The following SH3D19 variants were observed in gnomAD, a reference collection of about 807,000 sequenced individuals.
SH3D19 encodes SH3 domain-containing protein 19.
Under a neutral mutation model 112.1 loss-of-function variants are expected in SH3D19, and 58 were observed. The ratio of observed to expected loss-of-function variants is 0.52; its 90% CI spans 0.42 to 0.64. The LOEUF (loss-of-function observed/expected upper bound fraction) is 0.64. SH3D19 is among the 30% of genes least tolerant of loss of function. The probability of loss-of-function intolerance (pLI) is 0.00; values close to 1 mark genes in which losing one functional copy is unlikely to be tolerated. For missense variants in SH3D19, 1,090 were observed against 1,263.4 expected (o/e 0.86, Z 2.08); for synonymous variants, 391 against 448.5 (o/e 0.87, Z 1.62).
At chr4:151,152,752 C>G (rs1046068177) in intron 9 of SH3D19, among the ~76,000 whole-genome samples, 1 of 151,794 alleles carries the variant, frequency 6.6e-6, no homozygotes, top group Non-Finnish European at 1.5e-5. Context: ...CTCCTGACCT[C>G]AACTGATCCA....
At chr4:151,150,238 CAT>C (rs1424399128) in intron 9 of SH3D19, among the ~76,000 whole-genome samples, 8 of 41,108 alleles carry the variant, frequency 1.9e-4, no homozygotes, top group South Asian at 6.3e-4. Context: ...TACACACACA[CAT>C]ATATATATAT....
chr4:151,142,169 T>C (rs1413240299), intron 12 of SH3D19, among the ~76,000 whole-genome samples: 1 of 152,264 alleles, frequency 6.6e-6, no homozygotes, highest in Non-Finnish European at 1.5e-5. Context: ...TCATTCACCA[T>C]GTGCTAGTCA....
At chr4:151,234,043 A>G (rs2149959361) in intron 1 of SH3D19, among the ~76,000 whole-genome samples, 1 of 152,302 alleles carries the variant, frequency 6.6e-6, no homozygotes, top group East Asian at 1.9e-4. Flanking sequence ...TGTCTTAAGA[A>G]TTCCCATACT....
chr4:151,202,279 G>A (rs569971364), intron 2 of SH3D19, among the ~76,000 whole-genome samples: 2 of 152,320 alleles, frequency 1.3e-5, no homozygotes, highest in African/African-American at 4.8e-5. Context: ...AGGTTGCTGT[G>A]AGCCGAGATC....
chr4:151,252,194 A>G (rs1401506035), intron 1 of SH3D19, among the ~76,000 whole-genome samples: 1 of 152,248 alleles, frequency 6.6e-6, no homozygotes, highest in African/African-American at 2.4e-5. Flanking sequence ...TTCCATTAGC[A>G]CACAAACAGG....
chr4:151,213,687 AATTT>A (rs1554055411), intron 2 of SH3D19, among the ~76,000 whole-genome samples: 2 of 148,444 alleles, frequency 1.3e-5, no homozygotes, highest in South Asian at 2.2e-4. Context: ...TTAATTAATT[AATTT>A]ATTTATTTAT....
chr4:151,122,885 T>C (rs1748311344), intron 19 of SH3D19, among the ~76,000 whole-genome samples: 1 of 144,814 alleles, frequency 6.9e-6, no homozygotes, highest in East Asian at 2.1e-4. Flanking sequence ...GGAGTCTCGC[T>C]CTGTCACCCA....
rs533482070 is a variant in SH3D19 at position 151,286,198 on chromosome 4, A to C, written c.112+39043T>G. Reference sequence around the variant, plus strand: ...CCTGTCTTAAAGAAAAAAAAAAAAAAAAAAAACAACTAAACCTAAAGAAAA... The same window carrying C: ...CCTGTCTTAAAGAAAAAAAAAAAAACAAAAAACAACTAAACCTAAAGAAAA... On this transcript the variant is annotated intron_variant, in intron 1 of 19. Coordinates refer to ENST00000604030, the MANE Select transcript of SH3D19 (RefSeq NM_001378122.1). 2.0e-3 allele frequency among the ~76,000 whole-genome samples: 305 copies of C among 149,984 alleles called. 1 individual carries two copies. Among genetic ancestry groups the C allele is most frequent in the Admixed American group, 3.4e-3 (51 of 15,100 alleles).
At chr4:151,276,159 C>T (rs1381758200) in intron 1 of SH3D19, among the ~76,000 whole-genome samples, 1 of 152,050 alleles carries the variant, frequency 6.6e-6, no homozygotes, top group Non-Finnish European at 1.5e-5. Context: ...TTTTAAACTG[C>T]TTATATGTTT....
chr4:151,319,860 T>C (rs1193285771), intron 1 of SH3D19, among the ~76,000 whole-genome samples: 1 of 152,202 alleles, frequency 6.6e-6, no homozygotes, highest in Non-Finnish European at 1.5e-5. Flanking sequence ...TATAAATGCG[T>C]GGAGCATCAA....
intron 1 of SH3D19, among the ~76,000 whole-genome samples, chr4:151,245,104 A>G (rs1770840435): frequency 1.3e-5 from 2 of 152,076 alleles, no homozygotes; most frequent in Non-Finnish European, 2.9e-5. Flanking sequence ...AGATCACGCC[A>G]CTACACTCCA....
At chr4:151,235,818 T>C (rs1172402962) in intron 1 of SH3D19, among the ~76,000 whole-genome samples, 1 of 152,174 alleles carries the variant, frequency 6.6e-6, no homozygotes, top group Admixed American at 6.5e-5. Context: ...AAAATCAATT[T>C]GGATCAGACT....
At chr4:151,318,716 C>T (rs1190704539) in intron 1 of SH3D19, among the ~76,000 whole-genome samples, 5 of 152,086 alleles carry the variant, frequency 3.3e-5, no homozygotes, top group African/African-American at 1.2e-4. Context: ...TCTTCAAACC[C>T]AATGCAATAG....
chr4:151,232,559 T>TAC (rs1769698330), intron 1 of SH3D19, among the ~76,000 whole-genome samples: 2 of 152,198 alleles, frequency 1.3e-5, no homozygotes, highest in South Asian at 4.1e-4. Context: ...TACAAGTCAC[T>TAC]TAACCTCCCT....
chr4:151,252,632 C>T (rs945727462), intron 1 of SH3D19, among the ~76,000 whole-genome samples: 1 of 152,190 alleles, frequency 6.6e-6, no homozygotes, highest in Non-Finnish European at 1.5e-5. Flanking sequence ...TGATGACACC[C>T]TAATCTAGCC....
At chr4:151,211,501 T>C (rs2149907804) in intron 2 of SH3D19, among the ~76,000 whole-genome samples, 1 of 150,820 alleles carries the variant, frequency 6.6e-6, no homozygotes, top group Non-Finnish European at 1.5e-5. Context: ...TTAAGTTTAG[T>C]GAGGAAGGCA....
intron 19 of SH3D19, among the ~76,000 whole-genome samples, chr4:151,126,746 C>G (rs1176605786): frequency 6.9e-6 from 1 of 144,230 alleles, no homozygotes; most frequent in African/African-American, 2.6e-5. Context: ...TGCAGTGAGC[C>G]GAGATCGCCC....
intron 2 of SH3D19, among the ~76,000 whole-genome samples, chr4:151,206,890 C>A (rs1765198546): frequency 6.6e-6 from 1 of 152,160 alleles, no homozygotes; most frequent in Admixed American, 6.5e-5. Flanking sequence ...TTTTTGCAGT[C>A]TTCTCTTGAA....
At chr4:151,301,519 G>A (rs957207606) in intron 1 of SH3D19, among the ~76,000 whole-genome samples, 2 of 152,136 alleles carry the variant, frequency 1.3e-5, no homozygotes, top group East Asian at 1.9e-4. Flanking sequence ...GAGCCACCGC[G>A]CCTGGCCAGA....
Sources: gnomAD v4.1 joint callset for allele counts (sites outside exome capture counted in the v4.1 genomes callset) on GRCh38, gnomAD v4.1.1 for gene constraint, MANE v1.5 for transcripts, NCBI Gene and HGNC (gene_info 2026-07-23, HGNC 2026-07-21) for gene names.